NSMCE2: variants seen among roughly 807,000 people sequenced by gnomAD.
NSMCE2 encodes E3 SUMO-protein ligase NSE2.
A neutral mutation model predicts 23.8 loss-of-function variants in NSMCE2; 24 were observed. The observed-to-expected ratio is 1.01, with a 90% CI of 0.73 to 1.42. The LOEUF is 1.42. Among genes scored for constraint, NSMCE2 ranks in the 40% most tolerant of loss-of-function variants. The pLI is 0.00. For synonymous variants in NSMCE2, 92 were observed against 94.1 expected (o/e 0.98, Z 0.13); for missense variants, 284 against 296.5 (o/e 0.96, Z 0.31).
chr8:125,190,592 A>C (rs1033366209), intron 5 of NSMCE2, among the ~76,000 whole-genome samples: 10 of 152,220 alleles, frequency 6.6e-5, no homozygotes, highest in African/African-American at 1.9e-4. Flanking sequence ...TGGAGTTTTA[A>C]TGAGGTCATT....
intron 3 of NSMCE2, among the ~76,000 whole-genome samples, chr8:125,109,817 C>T (rs1818641957): frequency 6.6e-6 from 1 of 152,140 alleles, no homozygotes; most frequent in Non-Finnish European, 1.5e-5. Context: ...CAATTAGACT[C>T]ACCACTACCA....
chr8:125,288,632 G>A (rs1827988572), intron 5 of NSMCE2, among the ~76,000 whole-genome samples: 1 of 151,990 alleles, frequency 6.6e-6, no homozygotes, highest in African/African-American at 2.4e-5. Flanking sequence ...TGTTGTTACT[G>A]TTGACATTTA....
At chr8:125,239,317 T>A (rs955215588) in intron 5 of NSMCE2, among the ~76,000 whole-genome samples, 4 of 152,052 alleles carry the variant, frequency 2.6e-5, no homozygotes, top group African/African-American at 9.7e-5. Flanking sequence ...AAATAGCATT[T>A]TAAAAATTGG....
intron 5 of NSMCE2, among the ~76,000 whole-genome samples, chr8:125,232,420 A>G (rs982422667): frequency 5.9e-5 from 9 of 152,252 alleles, no homozygotes; most frequent in African/African-American, 1.9e-4. Flanking sequence ...CATGATAAGA[A>G]TTATTGTCTG....
intron 5 of NSMCE2, among the ~76,000 whole-genome samples, chr8:125,294,081 T>A (rs765100436): frequency 6.6e-6 from 1 of 152,224 alleles, no homozygotes; most frequent in Admixed American, 6.5e-5. Flanking sequence ...GTGACTGGAT[T>A]CTTTCACTTG....
rs563845149 is a variant in NSMCE2, at chr8:125,134,750, C to T, written c.158-16421C>T. Among the ~76,000 whole-genome samples the T allele has an allele frequency of 8.2e-4, 96 of 117,068 alleles. 6 individuals carry two copies. The highest frequency in any genetic ancestry group is 6.3e-3 in the Middle Eastern group (1 of 160). The allele number at this position is 117,068 out of a possible 152,430, so 76.8% of individuals were successfully genotyped here. On this transcript the variant is annotated intron_variant, in intron 3 of 7. Transcript: ENST00000287437. ...TTTTTTTTTTTTTTTTTTTAAGAGT[C>T]GGGGTCTTGCTCTGTTGCTCAGGCT...
intron 5 of NSMCE2, among the ~76,000 whole-genome samples, chr8:125,344,757 A>G (rs984936464): frequency 1.4e-5 from 2 of 146,460 alleles, no homozygotes; most frequent in African/African-American, 5.1e-5. Context: ...AAAAAAAAAG[A>G]AAAGAAAATT....
chr8:125,149,495 G>T lies in NSMCE2; in HGVS notation c.158-1676G>T, dbSNP rs1294087301. On this transcript the variant is annotated intron_variant, in intron 3 of 7. Coordinates refer to ENST00000287437, the MANE Select transcript of NSMCE2 (RefSeq NM_173685.4). ...AGGTTCATTCCCAAATGTGATGAAA[G>T]AAAGCTTTATTTTCTTTTCATTTAG... Among the ~76,000 whole-genome samples the T allele has an allele frequency of 2.6e-5, 4 of 152,118 alleles. No homozygotes were observed. In the East Asian group the frequency reaches 7.7e-4, roughly 29 times the overall value.
At chr8:125,347,009 G>A (rs1193739858) in intron 5 of NSMCE2, among the ~76,000 whole-genome samples, 1 of 152,174 alleles carries the variant, frequency 6.6e-6, no homozygotes, top group Non-Finnish European at 1.5e-5. Flanking sequence ...TGTCGAAAGA[G>A]CCATGGAAGT....
chr8:125,163,429 G>A (rs973604349), intron 4 of NSMCE2, among the ~76,000 whole-genome samples: 1 of 152,168 alleles, frequency 6.6e-6, no homozygotes. Flanking sequence ...AGCATGTCCA[G>A]CTGGGAAATA....
At position 125,206,078 on chromosome 8, in the gene NSMCE2, T is replaced by A. The variant is rs1037658975; in HGVS notation, c.418+23822T>A. ...TGAAAATTATCTATAAAATGACGTG[T>A]TCAGAAAATGTTTTATCATATAATA... On this transcript the variant is annotated intron_variant, in intron 5 of 7. Transcript: ENST00000287437. Among the ~76,000 whole-genome samples, 10 of 152,324 alleles carry A rather than the reference T, an allele frequency of 6.6e-5. 1 individual carries two copies. In the South Asian group the frequency reaches 1.0e-3, roughly 16 times the overall value.
At chr8:125,093,308 C>G (rs372601552) in intron 1 of NSMCE2, among the ~76,000 whole-genome samples, 12 of 152,088 alleles carry the variant, frequency 7.9e-5, no homozygotes, top group African/African-American at 2.9e-4. Flanking sequence ...AATACCATCA[C>G]CTTGGAAGTT....
At chr8:125,161,375 G>A (rs1821619822) in intron 4 of NSMCE2, among the ~76,000 whole-genome samples, 1 of 152,066 alleles carries the variant, frequency 6.6e-6, no homozygotes, top group South Asian at 2.1e-4. Context: ...TTAGAGTAAT[G>A]CAGTCAGTTA....
Position 125,100,253 on chromosome 8 carries a change from A to G in NSMCE2, c.-110-1798A>G, listed in dbSNP as rs367609348. On this transcript the variant is annotated intron_variant, in intron 1 of 7. Transcript: ENST00000287437. ...CTAGTGAGAGGAGTCGTAAAAGAGC[A>G]TAATAGAATCAGGAAAAGTCAAGTA... is the stretch of plus-strand genomic sequence containing the variant. 9.2e-5 allele frequency among the ~76,000 whole-genome samples: 14 copies of G among 152,166 alleles called. No individual in the cohort carries two copies. In the East Asian group the frequency reaches 2.5e-3, roughly 27 times the overall value.
intron 3 of NSMCE2, among the ~76,000 whole-genome samples, chr8:125,150,085 C>T (rs546785291): frequency 6.6e-6 from 1 of 152,146 alleles, no homozygotes; most frequent in African/African-American, 2.4e-5. Flanking sequence ...TGCTGCAAAT[C>T]CAGGAGGACT....
intron 3 of NSMCE2, among the ~76,000 whole-genome samples, chr8:125,124,893 C>T (rs2130522397): frequency 6.6e-6 from 1 of 152,178 alleles, no homozygotes; most frequent in East Asian, 1.9e-4. Flanking sequence ...CTCCTGGGTT[C>T]AAGCAATTAT....
At chr8:125,358,501 T>TAC (rs533204122) in intron 7 of NSMCE2, among the ~76,000 whole-genome samples, 12 of 151,200 alleles carry the variant, frequency 7.9e-5, no homozygotes, top group East Asian at 1.9e-4. Context: ...ATATATAATA[T>TAC]ACACACACAC....
At chr8:125,277,510 CT>C (rs60732204) in intron 5 of NSMCE2, among the ~76,000 whole-genome samples, 2,253 of 145,014 alleles carry the variant, frequency 0.016, 40 homozygotes, top group African/African-American at 0.051. Flanking sequence ...TCTTCTTCTT[CT>C]TTTTTTTTTT....
intron 5 of NSMCE2, among the ~76,000 whole-genome samples, chr8:125,279,513 TA>T (rs1827611864): frequency 6.6e-6 from 1 of 152,202 alleles, no homozygotes; most frequent in South Asian, 2.1e-4. Context: ...CTGGGGTAAG[TA>T]AGGTCAAGTC....
Sources: gnomAD v4.1 joint callset for allele counts (sites outside exome capture counted in the v4.1 genomes callset) on GRCh38, gnomAD v4.1.1 for gene constraint, MANE v1.5 for transcripts, NCBI Gene and HGNC (gene_info 2026-07-23, HGNC 2026-07-21) for gene names.